The following RYR3 variants were observed in gnomAD, a reference collection of about 807,000 sequenced individuals.
The protein encoded by RYR3 is ryanodine receptor 3.
A neutral mutation model predicts 584.3 loss-of-function variants in RYR3; 207 were observed. The observed-to-expected ratio is 0.35, with a 90% CI of 0.32 to 0.40. RYR3 has a LOEUF of 0.40. Ranked by LOEUF, RYR3 falls within the 10% of genes least tolerant of loss-of-function variation. RYR3 has a pLI of 1.00. For synonymous variants in RYR3, 2,416 were observed against 2,248.5 expected (o/e 1.07, Z -2.11); for missense variants, 5,616 against 6,089.2 (o/e 0.92, Z 2.59).
rs372186721 is a variant in RYR3 at position 33,390,235 on chromosome 15, A to G, written c.51+79139A>G. On this transcript the variant is annotated intron_variant, in intron 1 of 103. Transcript: ENST00000634891. The surrounding 1 kb of genome is among the most constrained non-coding windows in gnomAD (Gnocchi z 4.2). The stretch of plus-strand genomic sequence containing the variant: ...CAATCATTAAATATAGCCCATTGGT[A>G]TTGTATATTTAAAGCCAACAAAATA... 8.5e-5 allele frequency among the ~76,000 whole-genome samples: 13 copies of G among 152,338 alleles called. 1 individual carries two copies. The Middle Eastern group carries it at 0.014, about 159-fold the overall frequency.
chr15:33,462,770 C>T (rs1278255120), intron 1 of RYR3, among the ~76,000 whole-genome samples: 2 of 152,136 alleles, frequency 1.3e-5, no homozygotes, highest in Non-Finnish European at 2.9e-5. Context: ...TCTTCTGTCT[C>T]GTTGGAGCCA....
rs747788382 is a variant in RYR3, at chr15:33,859,735, T to G, written c.14299+4T>G. The G allele has an allele frequency of 1.2e-6, 2 of 1,604,140 alleles. No homozygotes were observed. The highest frequency in any genetic ancestry group is 1.7e-6 in the Non-Finnish European group (2 of 1,174,444). On this transcript the variant is annotated splice_donor_region_variant and intron_variant, in intron 100 of 103. Transcript: ENST00000634891. ...ATCTTGCTGGCCATCATTCAAGGTA[T>G]GATTGCCAATTGTGTTGAGTATGAA...
chr15:33,636,863 T>C (rs901175504), intron 27 of RYR3, among the ~76,000 whole-genome samples: 13 of 152,208 alleles, frequency 8.5e-5, no homozygotes, highest in African/African-American at 1.9e-4. Flanking sequence ...AAAACACTTA[T>C]TGTATATGAC....
chr15:33,451,915 T>C (rs2047162631), intron 1 of RYR3, among the ~76,000 whole-genome samples: 1 of 152,264 alleles, frequency 6.6e-6, no homozygotes, highest in Admixed American at 6.5e-5. Context: ...ATCTAATCAG[T>C]ACTCAAACCG....
chr15:33,838,673 C>T lies in RYR3; in HGVS notation c.12693C>T (p.Ile4231=), dbSNP rs1246971651. ...CAAAGAACATCAGAGTGACCAAGAT[C>T]CTGGGTGACATGCCTGACCCAACCC... ...EGAKNIRVTK[I]LGDMPDPTQF... The change falls in exon 89 of 104, where the codon ATC becomes ATT. Residue 4231 remains isoleucine (I), a synonymous_variant. Transcript: ENST00000634891. The T allele has an allele frequency of 1.2e-6, 2 of 1,613,922 alleles. No individual in the cohort carries two copies. Among genetic ancestry groups the T allele is most frequent in the South Asian group, 1.1e-5 (1 of 91,066 alleles).
intron 1 of RYR3, among the ~76,000 whole-genome samples, chr15:33,324,842 A>G (rs973551255): frequency 1.3e-5 from 2 of 152,124 alleles, no homozygotes; most frequent in African/African-American, 2.4e-5. Flanking sequence ...TAAAAACCCA[A>G]CCGCATTATG....
intron 40 of RYR3, among the ~76,000 whole-genome samples, chr15:33,699,204 A>G (rs1046963688): frequency 6.6e-6 from 1 of 150,548 alleles, no homozygotes; most frequent in African/African-American, 2.4e-5. Context: ...TTATGTGTCT[A>G]CGATCACCTG....
intron 2 of RYR3, among the ~76,000 whole-genome samples, chr15:33,481,261 T>C (rs1011840101): frequency 4.6e-5 from 7 of 152,190 alleles, no homozygotes; most frequent in Non-Finnish European, 8.8e-5. Context: ...CCTACCCCAT[T>C]TTACAATCTC....
Position 33,628,565 on chromosome 15 carries a change from C to T in RYR3, c.2669C>T (p.Thr890Ile). 1 of 1,610,808 alleles carries T rather than the reference C, an allele frequency of 6.2e-7. No individual in the cohort carries two copies. The highest frequency in any genetic ancestry group is 8.5e-7 in the Non-Finnish European group (1 of 1,177,106). Residue 890 changes from threonine to isoleucine, a missense_variant, in exon 21 of 104, where the codon ACT (threonine) becomes ATT (isoleucine). Around this residue, in one of 9 missense-constraint regions of RYR3, gnomAD observed 1,284 missense variants for 1,344.6 expected, o/e 0.95. Transcript: ENST00000634891. ...WGMNKIELGW[T>I]FGKIRDDNKR... is the part of the protein sequence containing the mutation. ...ATGAATAAAATAGAACTTGGCTGGA[C>T]TTTCGGCAAGGTATGTGTCTCAGGG... is the stretch of plus-strand genomic sequence containing the variant.
chr15:33,804,968 G>A (rs181644036), intron 69 of RYR3, among the ~76,000 whole-genome samples: 3 of 152,326 alleles, frequency 2.0e-5, no homozygotes, highest in East Asian at 1.9e-4. Context: ...AGTGAGCCAC[G>A]CTGTTACTAC....
intron 2 of RYR3, among the ~76,000 whole-genome samples, chr15:33,480,872 C>T (rs538329775): frequency 6.6e-6 from 1 of 152,218 alleles, no homozygotes; most frequent in East Asian, 1.9e-4. Flanking sequence ...AAGGGGTGTT[C>T]AAATCTTCTA....
At chr15:33,705,686 A>T (rs915069851) in intron 42 of RYR3, among the ~76,000 whole-genome samples, 4 of 152,234 alleles carry the variant, frequency 2.6e-5, no homozygotes, top group African/African-American at 9.6e-5. Context: ...GACCACCACC[A>T]GTCCCAGTCC....
chr15:33,365,842 T>C (rs1455168607), intron 1 of RYR3, among the ~76,000 whole-genome samples: 2 of 152,208 alleles, frequency 1.3e-5, no homozygotes, highest in Non-Finnish European at 2.9e-5. Context: ...ATTTATTATA[T>C]ATATACAGCC....
intron 85 of RYR3, 117 bp from the exon 86 acceptor site, chr15:33,830,846 C>A: frequency 9.7e-7 from 1 of 1,027,006 alleles, no homozygotes; most frequent in Non-Finnish European, 1.4e-6. Flanking sequence ...TCCCTGGCTC[C>A]TGTCAGAGCA....
intron 5 of RYR3, among the ~76,000 whole-genome samples, chr15:33,537,972 C>CTT (rs948769376): frequency 2.0e-5 from 3 of 150,596 alleles, no homozygotes; most frequent in African/African-American, 7.3e-5. Context: ...ATCCCACCAC[C>CTT]TTTTTCTTTT....
chr15:33,700,916 C>G, intron 41 of RYR3, 61 bp from the exon 42 acceptor site: 1 of 1,234,452 alleles, frequency 8.1e-7, no homozygotes, highest in Non-Finnish European at 1.2e-6. Context: ...ACTGCAGTCT[C>G]AGCTCAGCAC....
At chr15:33,415,900 T>C (rs543892140) in intron 1 of RYR3, among the ~76,000 whole-genome samples, 1 of 152,294 alleles carries the variant, frequency 6.6e-6, no homozygotes, top group East Asian at 1.9e-4. Context: ...CAGTGTTCAT[T>C]GTTCCCATCT....
chr15:33,440,678 G>A (rs2046145423), intron 1 of RYR3, among the ~76,000 whole-genome samples: 1 of 152,140 alleles, frequency 6.6e-6, no homozygotes, highest in Non-Finnish European at 1.5e-5. Context: ...ATATATGTTG[G>A]GAGTTCCTTA....
At position 33,739,812 on chromosome 15, in the gene RYR3, G is replaced by C. The variant is rs1198852076; in HGVS notation, c.7657-20G>C. On this transcript the variant is annotated intron_variant, in intron 50 of 103. Transcript: ENST00000634891. Reference sequence around the variant, plus strand: ...TGGTTCTGCTTTCTCTACTAATGTGGCCTTGTTTTTCCCTCACAGAAATAT... The same window carrying C: ...TGGTTCTGCTTTCTCTACTAATGTGCCCTTGTTTTTCCCTCACAGAAATAT... 6.2e-7 allele frequency: 1 copy of C among 1,608,832 alleles called. No homozygotes were observed. The highest frequency in any genetic ancestry group is 1.7e-5 in the Admixed American group (1 of 59,778).
Sources: allele counts gnomAD v4.1 joint callset (sites outside exome capture counted in the v4.1 genomes callset), GRCh38; gene constraint gnomAD v4.1.1; regional missense constraint gnomAD v4.1.1; non-coding constraint Gnocchi (gnomAD v3.1); transcripts MANE v1.5; gene names NCBI Gene and HGNC (gene_info 2026-07-23, HGNC 2026-07-21).